The following SLC1A2 variants were observed in gnomAD, a reference collection of about 807,000 sequenced individuals.
SLC1A2 encodes the protein solute carrier family 1 member 2, also known as excitatory amino acid transporter 2.
In SLC1A2, 15 loss-of-function variants were observed where a neutral mutation model predicts 48.8. The observed-to-expected ratio is 0.31, with a 90% confidence interval of 0.21 to 0.47. SLC1A2 has a LOEUF of 0.47. SLC1A2 is among the 20% of genes least tolerant of loss of function. The pLI, the probability that SLC1A2 is intolerant of heterozygous loss-of-function variation, is 0.99. For missense variants in SLC1A2, 502 were observed against 730.5 expected (o/e 0.69, Z 3.61); for synonymous variants, 279 against 272.6 (o/e 1.02, Z -0.23).
chr11:35,343,159 A>G (rs1042355628), intron 1 of SLC1A2, among the ~76,000 whole-genome samples: 11 of 152,266 alleles, frequency 7.2e-5, no homozygotes, highest in African/African-American at 2.7e-4. Context: ...AAGCAGTTTC[A>G]CAAAACTAGC....
chr11:35,273,850 A>T (rs369216853), intron 9 of SLC1A2, among the ~76,000 whole-genome samples: 1 of 152,232 alleles, frequency 6.6e-6, no homozygotes, highest in Non-Finnish European at 1.5e-5. Flanking sequence ...TAGAGACACA[A>T]TTGGTTTTTG....
chr11:35,416,489 C>A (rs1309076209), intron 1 of SLC1A2, among the ~76,000 whole-genome samples: 2 of 152,176 alleles, frequency 1.3e-5, no homozygotes, highest in Admixed American at 6.5e-5. Flanking sequence ...AAGTGTTAAA[C>A]AAACATAAGA....
chr11:35,287,425 T>C (rs1037195002), intron 7 of SLC1A2, among the ~76,000 whole-genome samples: 18 of 152,212 alleles, frequency 1.2e-4, no homozygotes, highest in Admixed American at 1.1e-3. Context: ...GGATTGCATT[T>C]AGCCCTGGGA....
chr11:35,304,036 C>A (rs1383471250), intron 5 of SLC1A2, among the ~76,000 whole-genome samples: 1 of 152,184 alleles, frequency 6.6e-6, no homozygotes, highest in Non-Finnish European at 1.5e-5. Flanking sequence ...GAGCCTTGAT[C>A]TGCACTTGGA....
At chr11:35,336,773 T>G (rs865818478) in intron 1 of SLC1A2, among the ~76,000 whole-genome samples, 1 of 152,224 alleles carries the variant, frequency 6.6e-6, no homozygotes, top group African/African-American at 2.4e-5. Context: ...TTTATATTTA[T>G]AAATTACAAG....
intron 1 of SLC1A2, among the ~76,000 whole-genome samples, chr11:35,377,568 A>G (rs1340977095): frequency 1.3e-5 from 2 of 152,222 alleles, no homozygotes; most frequent in African/African-American, 4.8e-5. Context: ...TGGCTATGTC[A>G]GAACTTAAGC....
intron 8 of SLC1A2, 149 bp from the exon 9 acceptor site, chr11:35,281,150 A>G (rs1442027191): frequency 2.6e-6 from 3 of 1,162,460 alleles, no homozygotes; most frequent in Non-Finnish European, 3.5e-6. Context: ...AGAGAAATCT[A>G]AAGTACTAAG....
intron 1 of SLC1A2, among the ~76,000 whole-genome samples, chr11:35,348,966 T>C (rs552076951): frequency 1.3e-5 from 2 of 149,972 alleles, no homozygotes; most frequent in African/African-American, 4.9e-5. Flanking sequence ...GAGAAGGATG[T>C]GTGCTGAGTT....
At chr11:35,384,650 G>A (rs1425657870) in intron 1 of SLC1A2, among the ~76,000 whole-genome samples, 1 of 152,178 alleles carries the variant, frequency 6.6e-6, no homozygotes, top group East Asian at 1.9e-4. Context: ...TTCCACTGTG[G>A]CATATTCACC....
chr11:35,397,292 C>T (rs2135260547), intron 1 of SLC1A2, among the ~76,000 whole-genome samples: 1 of 146,826 alleles, frequency 6.8e-6, no homozygotes, highest in South Asian at 2.3e-4. Flanking sequence ...TACAAGGCTA[C>T]AGTAACCAAA....
At chr11:35,268,818 G>A (rs4755394) in intron 9 of SLC1A2, among the ~76,000 whole-genome samples, 55,363 of 151,734 alleles carry the variant, frequency 0.36, 10,388 homozygotes, top group South Asian at 0.53. Context: ...CCCAAAGTCT[G>A]ACATCCTAGT....
chr11:35,390,642 T>C (rs950006111), intron 1 of SLC1A2: 6 of 151,980 alleles, frequency 3.9e-5, no homozygotes, highest in African/African-American at 1.5e-4. Flanking sequence ...TTGGATATAT[T>C]GAGGTAAGTA....
intron 7 of SLC1A2, among the ~76,000 whole-genome samples, chr11:35,289,271 G>C (rs767993221): frequency 6.6e-6 from 1 of 151,026 alleles, no homozygotes; most frequent in Non-Finnish European, 1.5e-5. Context: ...AGGCAGGAAG[G>C]ATATTTTGTG....
chr11:35,406,393 G>GA (rs1855295496), intron 1 of SLC1A2, among the ~76,000 whole-genome samples: 1 of 152,120 alleles, frequency 6.6e-6, no homozygotes, highest in Admixed American at 6.6e-5. Flanking sequence ...CAAACAAGGG[G>GA]AATGAGGTAG....
In SLC1A2 at chr11:35,256,212, C is replaced by T. The variant is rs377749798; in HGVS notation, c.*4682G>A. 21 of 152,320 alleles carry T rather than the reference C, an allele frequency of 1.4e-4. No homozygotes were observed. Among genetic ancestry groups the T allele is most frequent in the Admixed American group, 4.6e-4 (7 of 15,298 alleles). 9.4% of individuals were successfully genotyped at this position (152,320 alleles called of 1,614,324 possible). A position where few individuals can be genotyped will look rare whatever the true frequency, so the allele number is the denominator to read the frequency against. On this transcript the variant is annotated 3_prime_UTR_variant, in exon 11 of 11. Transcript: ENST00000278379. ...ACCAAACCATGTTGTTTCTTATCATCTCTATGTCATTGCCTGAATTAGCTG... is the reference window on the plus strand; with the variant it reads ...ACCAAACCATGTTGTTTCTTATCATTTCTATGTCATTGCCTGAATTAGCTG...
At chr11:35,276,654 C>T (rs1368945664) in intron 9 of SLC1A2, among the ~76,000 whole-genome samples, 2 of 152,114 alleles carry the variant, frequency 1.3e-5, no homozygotes, top group African/African-American at 4.8e-5. Flanking sequence ...TGACTCACAT[C>T]CAACAGGCTT....
chr11:35,314,397 T>C (rs1208611239), intron 3 of SLC1A2, among the ~76,000 whole-genome samples: 1 of 151,942 alleles, frequency 6.6e-6, no homozygotes, highest in Non-Finnish European at 1.5e-5. Flanking sequence ...CAAAATATAA[T>C]TTAGAAAGGG....
intron 1 of SLC1A2, chr11:35,370,953 G>C (rs1431261005): frequency 2.0e-6 from 2 of 985,164 alleles, no homozygotes; most frequent in Non-Finnish European, 2.4e-6. Flanking sequence ...TGCTTATTTG[G>C]ATAAATCATT....
At chr11:35,385,788 G>T (rs1211432033) in intron 1 of SLC1A2, among the ~76,000 whole-genome samples, 1 of 152,162 alleles carries the variant, frequency 6.6e-6, no homozygotes, top group African/African-American at 2.4e-5. Context: ...TTCTCTGGGT[G>T]AAACTATGTG....
Sources: gnomAD v4.1 joint callset for allele counts (sites outside exome capture counted in the v4.1 genomes callset) on GRCh38, gnomAD v4.1.1 for gene constraint, MANE v1.5 for transcripts, NCBI Gene and HGNC (gene_info 2026-07-23, HGNC 2026-07-21) for gene names.